FARSB: variants seen among roughly 807,000 people sequenced by gnomAD.
The protein encoded by FARSB is phenylalanine--tRNA ligase beta subunit.
A neutral mutation model predicts 69.6 loss-of-function variants in FARSB; 40 were observed. That is an observed-to-expected ratio of 0.57 (90% CI 0.45 to 0.75). FARSB has a LOEUF of 0.75. Among genes scored for constraint, FARSB ranks in the 30% least tolerant of loss-of-function variants. FARSB has a pLI of 0.00. For missense variants in FARSB, 632 were observed against 722.9 expected (o/e 0.87, Z 1.44); for synonymous variants, 235 against 247.2 (o/e 0.95, Z 0.46).
At chr2:222,600,949 A>G (rs185114163) in intron 15 of FARSB, among the ~76,000 whole-genome samples, 201 of 152,356 alleles carry the variant, frequency 1.3e-3, no homozygotes, top group African/African-American at 4.7e-3. Flanking sequence ...GCAGAATACT[A>G]AAGTTTATGA....
intron 16 of FARSB, among the ~76,000 whole-genome samples, chr2:222,586,534 C>T (rs1388312061): frequency 6.6e-6 from 1 of 152,160 alleles, no homozygotes; most frequent in Non-Finnish European, 1.5e-5. Context: ...TGTAAACGGA[C>T]TAAATGCCCC....
At chr2:222,640,240 C>A (rs909392229) in intron 4 of FARSB, among the ~76,000 whole-genome samples, 1 of 152,222 alleles carries the variant, frequency 6.6e-6, no homozygotes, top group African/African-American at 2.4e-5. Flanking sequence ...GCTATAATCC[C>A]AGCACTTTAG....
At chr2:222,640,124 G>GT (rs1574950204) in intron 4 of FARSB, among the ~76,000 whole-genome samples, 1 of 152,180 alleles carries the variant, frequency 6.6e-6, no homozygotes, top group Non-Finnish European at 1.5e-5. Flanking sequence ...AAAAAAAAAT[G>GT]TTTTTTTAAG....
intron 1 of FARSB, 151 bp from the exon 2 acceptor site, chr2:222,648,946 G>A (rs755676046): frequency 1.5e-6 from 1 of 664,724 alleles, no homozygotes; most frequent in Non-Finnish European, 2.8e-6. Flanking sequence ...AAACAAACAG[G>A]CCAGGCATGG....
At chr2:222,587,489 G>A (rs1287739594) in intron 16 of FARSB, among the ~76,000 whole-genome samples, 1 of 152,030 alleles carries the variant, frequency 6.6e-6, no homozygotes, top group East Asian at 1.9e-4. Flanking sequence ...CTAGCAGAAG[G>A]CAAGAAATAA....
At chr2:222,590,241 C>A (rs1203168253) in intron 16 of FARSB, among the ~76,000 whole-genome samples, 1 of 152,086 alleles carries the variant, frequency 6.6e-6, no homozygotes, top group African/African-American at 2.4e-5. Context: ...TGGAAACCAT[C>A]ATTCTCAGCA....
At chr2:222,593,099 C>G (rs1187216483) in intron 16 of FARSB, among the ~76,000 whole-genome samples, 1 of 151,784 alleles carries the variant, frequency 6.6e-6, no homozygotes, top group Non-Finnish European at 1.5e-5. Context: ...GAATGTATAC[C>G]CTGCAGATAA....
chr2:222,573,861 C>G (rs1689772876), intron 16 of FARSB, among the ~76,000 whole-genome samples: 1 of 152,146 alleles, frequency 6.6e-6, no homozygotes, highest in Non-Finnish European at 1.5e-5. Flanking sequence ...AGTTTGTTAC[C>G]TGGGTATATT....
chr2:222,634,806 A>G (rs1691538208), intron 5 of FARSB, among the ~76,000 whole-genome samples: 1 of 152,226 alleles, frequency 6.6e-6, no homozygotes, highest in African/African-American at 2.4e-5. Context: ...GGAGCTGAAG[A>G]AAATTCCTTG....
intron 2 of FARSB, among the ~76,000 whole-genome samples, chr2:222,645,653 G>A (rs1691834191): frequency 6.6e-6 from 1 of 150,786 alleles, no homozygotes; most frequent in Non-Finnish European, 1.5e-5. Context: ...GCTTTTATTG[G>A]CAATTACAAA....
chr2:222,633,293 C>T lies in FARSB; in HGVS notation c.621G>A (p.Leu207=), dbSNP rs918930791. 2 of 1,518,922 alleles carry T rather than the reference C, an allele frequency of 1.3e-6. No homozygotes were observed. Among genetic ancestry groups the T allele is most frequent in the African/African-American group, 2.8e-5 (2 of 71,248 alleles). The allele number at this position is 1,518,922 out of a possible 1,614,324, so 94.1% of individuals were successfully genotyped here. The change falls in exon 7 of 17, where the codon CTG becomes CTA. Residue 207 remains leucine, a synonymous_variant. Coordinates refer to ENST00000281828, the MANE Select transcript of FARSB (RefSeq NM_005687.5). The part of the protein sequence containing the change: ...LMNIYKTDNH[L]KHYLHIIENK... ...TTTCAATGATATGTAAATAATGTTT[C>T]AGGTGATTGTCAGTCTGAAAACAAA...
At chr2:222,637,043 G>A (rs1480174641) in intron 5 of FARSB, among the ~76,000 whole-genome samples, 2 of 152,142 alleles carry the variant, frequency 1.3e-5, no homozygotes, top group Non-Finnish European at 2.9e-5. Context: ...CTGCAGAAAA[G>A]AAGGAACTAT....
chr2:222,603,516 AATCTT>A (rs1333243411), intron 15 of FARSB, among the ~76,000 whole-genome samples: 2 of 151,722 alleles, frequency 1.3e-5, no homozygotes, highest in African/African-American at 4.8e-5. Context: ...ATTTATCTAT[AATCTT>A]ATTTAATTCT....
chr2:222,610,035 C>T (rs1302023183), intron 15 of FARSB, among the ~76,000 whole-genome samples: 3 of 152,188 alleles, frequency 2.0e-5, no homozygotes, highest in African/African-American at 4.8e-5. Flanking sequence ...TACATTCTCT[C>T]AGCATTATCT....
At chr2:222,620,622 C>T (rs1053265094) in intron 13 of FARSB, among the ~76,000 whole-genome samples, 2 of 152,126 alleles carry the variant, frequency 1.3e-5, no homozygotes, top group Non-Finnish European at 2.9e-5. Context: ...TCAAAAAATA[C>T]CAACAATGAT....
intron 13 of FARSB, among the ~76,000 whole-genome samples, chr2:222,620,430 C>T (rs942408117): frequency 4.6e-5 from 7 of 152,346 alleles, no homozygotes; most frequent in Middle Eastern, 3.4e-3. Flanking sequence ...GCCTGAAACT[C>T]ATAACAAATA....
At chr2:222,608,053 A>G (rs1690753021) in intron 15 of FARSB, among the ~76,000 whole-genome samples, 1 of 152,196 alleles carries the variant, frequency 6.6e-6, no homozygotes, top group South Asian at 2.1e-4. Context: ...GTACTAAAAT[A>G]ACTTTCTATA....
At chr2:222,575,289 G>C (rs1243042075) in intron 16 of FARSB, among the ~76,000 whole-genome samples, 9 of 152,230 alleles carry the variant, frequency 5.9e-5, no homozygotes, top group Admixed American at 5.9e-4. Flanking sequence ...TATGAGTCTA[G>C]GCTTGTGAAA....
rs1436800837 is a variant in FARSB, at chr2:222,570,862, A to G, written c.*1009T>C. ...TTCTACTGGGACTTTAAAGTATTAT[A>G]TTTTATCATATTTCTTATTACTTCA... On this transcript the variant is annotated 3_prime_UTR_variant, in exon 17 of 17. Coordinates refer to ENST00000281828, the MANE Select transcript of FARSB (RefSeq NM_005687.5). 1 of 152,076 alleles carries G rather than the reference A, an allele frequency of 6.6e-6. No homozygotes were observed. 9.4% of individuals were successfully genotyped at this position (152,076 alleles called of 1,614,324 possible). A position where few individuals can be genotyped will look rare whatever the true frequency, so the allele number is the denominator to read the frequency against.
Sources: gnomAD v4.1 joint callset for allele counts (sites outside exome capture counted in the v4.1 genomes callset) on GRCh38, gnomAD v4.1.1 for gene constraint, MANE v1.5 for transcripts, NCBI Gene and HGNC (gene_info 2026-07-23, HGNC 2026-07-21) for gene names.